Variants in GLRA3 observed in about 807,000 individuals in gnomAD.
The protein encoded by GLRA3 is glycine receptor subunit alpha-3.
Under a neutral mutation model 60.4 loss-of-function variants are expected in GLRA3, and 44 were observed. That is an observed-to-expected ratio of 0.73 (90% CI 0.57 to 0.94). The LOEUF (loss-of-function observed/expected upper bound fraction) is 0.94. Among genes scored for constraint, GLRA3 ranks in the 40% least tolerant of loss-of-function variants. GLRA3 has a pLI of 0.00. For missense variants in GLRA3, 508 were observed against 564.6 expected (o/e 0.90, Z 1.02); for synonymous variants, 223 against 192.9 (o/e 1.16, Z -1.29).
At chr4:174,680,808 TTAAGTA>T (rs1734313565) in intron 6 of GLRA3, among the ~76,000 whole-genome samples, 1 of 152,340 alleles carries the variant, frequency 6.6e-6, no homozygotes, top group African/African-American at 2.4e-5. Context: ...CATTTTTAAC[TTAAGTA>T]TATTTCATTT....
intron 6 of GLRA3, among the ~76,000 whole-genome samples, chr4:174,680,874 T>G (rs1734316078): frequency 6.6e-6 from 1 of 151,656 alleles, no homozygotes; most frequent in Non-Finnish European, 1.5e-5. Context: ...TAACCTACTA[T>G]TGTTGTTTGT....
chr4:174,753,099 T>C (rs1459818522), intron 3 of GLRA3, among the ~76,000 whole-genome samples: 1 of 152,186 alleles, frequency 6.6e-6, no homozygotes, highest in Non-Finnish European at 1.5e-5. Context: ...TGAGAAGGAA[T>C]CTTTCAGTTT....
intron 4 of GLRA3, 122 bp from the exon 5 acceptor site, chr4:174,715,692 G>C (rs1013865362): frequency 1.8e-6 from 1 of 541,260 alleles, no homozygotes. Context: ...AATTTCTCCA[G>C]CTTATGTATC....
intron 3 of GLRA3, among the ~76,000 whole-genome samples, chr4:174,757,729 A>G (rs926150244): frequency 1.3e-5 from 2 of 152,254 alleles, no homozygotes; most frequent in African/African-American, 4.8e-5. Context: ...ATATGCAGAA[A>G]TGGTTCCCTC....
chr4:174,749,471 A>G (rs1737378736), intron 3 of GLRA3, among the ~76,000 whole-genome samples: 1 of 152,118 alleles, frequency 6.6e-6, no homozygotes, highest in Non-Finnish European at 1.5e-5. Flanking sequence ...AAATGATAGG[A>G]TACTAGAAGT....
rs75854990 is a variant in GLRA3 at position 174,670,734 on chromosome 4, A to T, written c.927+6344T>A. Among the ~76,000 whole-genome samples the T allele has an allele frequency of 4.9e-3, 741 of 152,252 alleles. 3 individuals carry two copies. The highest frequency in any genetic ancestry group is 7.5e-3 in the Non-Finnish European group (513 of 68,006). Reference sequence around the variant, plus strand: ...ATCATTAATTTTTCAGCTTGATGGAATCTAATATTTCTAGTAAAGTAGGTC... The same window carrying T: ...ATCATTAATTTTTCAGCTTGATGGATTCTAATATTTCTAGTAAAGTAGGTC... On this transcript the variant is annotated intron_variant, in intron 7 of 9. Transcript: ENST00000274093.
At chr4:174,798,478 T>C (rs1423349091) in intron 1 of GLRA3, among the ~76,000 whole-genome samples, 1 of 152,208 alleles carries the variant, frequency 6.6e-6, no homozygotes, top group Non-Finnish European at 1.5e-5. Context: ...CTTGGTCATC[T>C]GGGAATATGT....
chr4:174,788,683 C>A (rs57299236), intron 2 of GLRA3, 133 bp downstream of exon 2: 44,071 of 496,458 alleles, frequency 0.089, 2,195 homozygotes, highest in South Asian at 0.097. Flanking sequence ...TTTCAAGACA[C>A]CTTGGTGACT....
At chr4:174,772,715 G>T (rs192194820) in intron 2 of GLRA3, among the ~76,000 whole-genome samples, 10 of 152,268 alleles carry the variant, frequency 6.6e-5, no homozygotes, top group Admixed American at 2.0e-4. Flanking sequence ...CTTTAGGAAA[G>T]CTTTGGAGCC....
At position 174,656,772 on chromosome 4, in the gene GLRA3, G is replaced by A. The variant is rs376928957; in HGVS notation, c.1087C>T (p.Leu363=). Residue 363 remains leucine (L), a synonymous_variant, in exon 9 of 10, where the codon CTG becomes TTG. Transcript: ENST00000274093. ...TCTGAGAAACGGTAAAACTTCTCCA[G>A]TGCAAAAGCTTCTGTCTGTGGGAAG... ...KRKNKTEAFA[L]EKFYRFSDMD... 1.3e-6 allele frequency: 2 copies of A among 1,586,628 alleles called. No homozygotes were observed. The highest frequency in any genetic ancestry group is 1.7e-6 in the Non-Finnish European group (2 of 1,155,440).
intron 3 of GLRA3, among the ~76,000 whole-genome samples, chr4:174,747,929 A>ATAAC (rs1299219431): frequency 6.6e-6 from 1 of 152,112 alleles, no homozygotes; most frequent in African/African-American, 2.4e-5. Flanking sequence ...TGCTGTTCCA[A>ATAAC]ATACTATGTT....
intron 4 of GLRA3, among the ~76,000 whole-genome samples, chr4:174,722,370 A>G (rs1433486698): frequency 6.6e-6 from 1 of 152,194 alleles, no homozygotes; most frequent in African/African-American, 2.4e-5. Flanking sequence ...ACAAAGCTTA[A>G]ATAAATTATA....
intron 3 of GLRA3, among the ~76,000 whole-genome samples, chr4:174,733,534 C>G (rs1256193833): frequency 6.6e-6 from 1 of 152,148 alleles, no homozygotes; most frequent in Admixed American, 6.5e-5. Flanking sequence ...CCTCTATCAG[C>G]CAGTGCACCC....
At chr4:174,810,514 A>G (rs1346024940) in intron 1 of GLRA3, among the ~76,000 whole-genome samples, 26 of 151,960 alleles carry the variant, frequency 1.7e-4, no homozygotes, top group Non-Finnish European at 1.5e-5. Flanking sequence ...TAATCTGGAA[A>G]GAAACATATT....
intron 2 of GLRA3, among the ~76,000 whole-genome samples, chr4:174,786,198 A>G (rs1340450420): frequency 6.6e-6 from 1 of 152,062 alleles, no homozygotes; most frequent in African/African-American, 2.4e-5. Context: ...CATAACACCA[A>G]TTTTAAATTA....
At chr4:174,697,714 A>T (rs1367552350) in intron 5 of GLRA3, among the ~76,000 whole-genome samples, 3 of 152,158 alleles carry the variant, frequency 2.0e-5, no homozygotes, top group Admixed American at 2.0e-4. Flanking sequence ...AAAAGTGTGG[A>T]TATATAATTT....
At chr4:174,695,874 A>G (rs1315212378) in intron 5 of GLRA3, among the ~76,000 whole-genome samples, 3 of 152,304 alleles carry the variant, frequency 2.0e-5, no homozygotes, top group East Asian at 3.9e-4. Context: ...TCCAGCTGAT[A>G]AACAACTTCA....
At chr4:174,790,538 G>T (rs1739292680) in intron 1 of GLRA3, among the ~76,000 whole-genome samples, 1 of 151,798 alleles carries the variant, frequency 6.6e-6, no homozygotes, top group Non-Finnish European at 1.5e-5. Context: ...GTAGCTACAT[G>T]CTGCTGCTTT....
chr4:174,710,178 C>A (rs968712997), intron 5 of GLRA3, among the ~76,000 whole-genome samples: 1 of 151,890 alleles, frequency 6.6e-6, no homozygotes, highest in African/African-American at 2.4e-5. Context: ...ATGCTATCTC[C>A]AGAAATTTCA....
Sources: gnomAD v4.1 joint callset for allele counts (sites outside exome capture counted in the v4.1 genomes callset) on GRCh38, gnomAD v4.1.1 for gene constraint, MANE v1.5 for transcripts, NCBI Gene and HGNC (gene_info 2026-07-23, HGNC 2026-07-21) for gene names.